The following LMBR1 variants were observed in gnomAD, a reference collection of about 807,000 sequenced individuals.
LMBR1 encodes limb region 1 protein homolog.
In LMBR1, 52 loss-of-function variants were observed where a neutral mutation model predicts 73.9. The observed-to-expected ratio is 0.70, with a 90% CI of 0.56 to 0.89. LMBR1 has a LOEUF of 0.89. Ranked by LOEUF, LMBR1 falls within the 40% of genes least tolerant of loss-of-function variation. LMBR1 has a pLI of 0.00. For missense variants in LMBR1, 539 were observed against 579.8 expected (o/e 0.93, Z 0.72); for synonymous variants, 215 against 209.4 (o/e 1.03, Z -0.23).
intron 5 of LMBR1, among the ~76,000 whole-genome samples, chr7:156,771,427 T>G (rs978111638): frequency 1.3e-5 from 2 of 152,000 alleles, no homozygotes; most frequent in African/African-American, 4.8e-5. Context: ...CAAAAAACCA[T>G]CAGGGACTAT....
chr7:156,821,325 C>T (rs569473078), intron 4 of LMBR1, among the ~76,000 whole-genome samples: 64 of 152,292 alleles, frequency 4.2e-4, no homozygotes, highest in Admixed American at 9.8e-4. Flanking sequence ...AATCAGCTGA[C>T]GGAGGAAGAC....
At chr7:156,736,910 A>C (rs998160434) in intron 9 of LMBR1, among the ~76,000 whole-genome samples, 1 of 152,056 alleles carries the variant, frequency 6.6e-6, no homozygotes, top group African/African-American at 2.4e-5. Flanking sequence ...TGGTTTTTCT[A>C]TTCCTCAGTT....
At chr7:156,856,138 T>C (rs1010752483) in intron 1 of LMBR1, among the ~76,000 whole-genome samples, 1 of 151,850 alleles carries the variant, frequency 6.6e-6, no homozygotes, top group Non-Finnish European at 1.5e-5. Flanking sequence ...GAGCTTGCAG[T>C]GAGCCGAGAT....
chr7:156,729,493 A>G (rs1344345593), intron 10 of LMBR1, among the ~76,000 whole-genome samples: 2 of 104,162 alleles, frequency 1.9e-5, no homozygotes, highest in South Asian at 5.9e-4. Flanking sequence ...TTTTTTTTTG[A>G]GATGGAGTCT....
chr7:156,851,008 C>G (rs1488594301), intron 1 of LMBR1, among the ~76,000 whole-genome samples: 2 of 152,098 alleles, frequency 1.3e-5, no homozygotes, highest in African/African-American at 4.8e-5. Context: ...TTTATCCATT[C>G]CCTCTTGCTC....
chr7:156,716,546 G>T (rs748162830), intron 15 of LMBR1, among the ~76,000 whole-genome samples: 2 of 152,180 alleles, frequency 1.3e-5, no homozygotes, highest in Admixed American at 6.5e-5. Context: ...GATGGTAACT[G>T]GCTGCGATCT....
intron 5 of LMBR1, among the ~76,000 whole-genome samples, chr7:156,782,390 C>T (rs1055338668): frequency 6.6e-6 from 1 of 152,132 alleles, no homozygotes; most frequent in Admixed American, 6.5e-5. Context: ...AACAAATCGT[C>T]ATATTGTTTT....
rs1238047780 is a variant in LMBR1 at position 156,733,597 on chromosome 7, T to C, written c.838+580A>G. Among the ~76,000 whole-genome samples, 3 of 151,330 alleles carry C rather than the reference T, an allele frequency of 2.0e-5. No individual in the cohort carries two copies. The East Asian group carries it at 5.8e-4, about 29-fold the overall frequency. On this transcript the variant is annotated intron_variant, in intron 10 of 16. Coordinates refer to ENST00000353442, the MANE Select transcript of LMBR1 (RefSeq NM_022458.4). Reference sequence around the variant, plus strand: ...GTGAAGACACAGCTATAGACGCTAATCAAAATGAAATACAGCAAGAAAAAA... The same window carrying C: ...GTGAAGACACAGCTATAGACGCTAACCAAAATGAAATACAGCAAGAAAAAA...
rs1484127022 is a variant in LMBR1 at position 156,669,087 on chromosome 7, T to C, written n.1067A>G. ...TAGACTCAACTGCATGAAAAGTCTA[T>C]GCGAACTGCTTTCATGGACTGGCAC... On this transcript the variant is annotated non_coding_transcript_exon_variant, in exon 5 of 5. Transcript: ENST00000430825. The surrounding 1 kb of genome is among the most constrained non-coding windows in gnomAD (Gnocchi z 4.2). 2.0e-5 allele frequency: 3 copies of C among 152,218 alleles called. No homozygotes were observed. Among genetic ancestry groups the C allele is most frequent in the Non-Finnish European group, 4.4e-5 (3 of 68,032 alleles). The allele number at this position is 152,218 out of a possible 1,614,324, so 9.4% of individuals were successfully genotyped here.
chr7:156,734,696 A>C (rs930940974), intron 9 of LMBR1, among the ~76,000 whole-genome samples: 1 of 152,234 alleles, frequency 6.6e-6, no homozygotes, highest in Non-Finnish European at 1.5e-5. Flanking sequence ...TTAACGTGGT[A>C]AAGTTCTAAT....
chr7:156,688,534 C>T (rs758067616), intron 15 of LMBR1, among the ~76,000 whole-genome samples: 41 of 151,940 alleles, frequency 2.7e-4, no homozygotes, highest in Admixed American at 2.6e-4. Context: ...CATGCTCTAC[C>T]GAGACAGGAC....
intron 3 of LMBR1, among the ~76,000 whole-genome samples, chr7:156,829,829 T>G (rs1025979780): frequency 6.6e-6 from 1 of 152,200 alleles, no homozygotes; most frequent in Admixed American, 6.5e-5. Context: ...TGTGCCGATC[T>G]CTACCTCTGC....
At chr7:156,751,710 T>C (rs373247218) in intron 9 of LMBR1, among the ~76,000 whole-genome samples, 22 of 152,234 alleles carry the variant, frequency 1.4e-4, no homozygotes, top group Middle Eastern at 3.4e-3. Flanking sequence ...AAGGAATCCA[T>C]ATGGGAATTA....
downstream of LMBR1, among the ~76,000 whole-genome samples, chr7:156,675,134 C>CCCGAAGAGGCAGCGGA (rs1563102563): frequency 2.6e-5 from 4 of 152,028 alleles, no homozygotes; most frequent in Non-Finnish European, 5.9e-5. Context: ...GAGGCAGCGG[C>CCCGAAGAGGCAGCGGA]GACCCGAAGG....
At chr7:156,890,000 T>C (rs919136959) in intron 1 of LMBR1, among the ~76,000 whole-genome samples, 1 of 152,098 alleles carries the variant, frequency 6.6e-6, no homozygotes, top group African/African-American at 2.4e-5. Flanking sequence ...GGAGAACCTG[T>C]CTCAAATTTT....
chr7:156,705,745 T>C (rs559842214), intron 15 of LMBR1, among the ~76,000 whole-genome samples: 2 of 152,108 alleles, frequency 1.3e-5, no homozygotes, highest in Admixed American at 6.5e-5. Context: ...TTCACCGTCA[T>C]GAAAACACAT....
chr7:156,846,889 T>C (rs1795559330), intron 1 of LMBR1, among the ~76,000 whole-genome samples: 1 of 152,164 alleles, frequency 6.6e-6, no homozygotes, highest in African/African-American at 2.4e-5. Flanking sequence ...ACATGCTAAC[T>C]GCCCCTTTTT....
At chr7:156,725,700 C>T in intron 13 of LMBR1, 64 bp downstream of exon 13, 1 of 1,443,810 alleles carries the variant, frequency 6.9e-7, no homozygotes, top group Non-Finnish European at 9.7e-7. Context: ...TAAATAACTA[C>T]TGCCCCAGAA....
intron 3 of LMBR1, among the ~76,000 whole-genome samples, chr7:156,832,333 C>T (rs1291427805): frequency 6.6e-6 from 1 of 152,134 alleles, no homozygotes; most frequent in African/African-American, 2.4e-5. Flanking sequence ...ATTCACATTA[C>T]ATAAAATTTA....
Sources: gnomAD v4.1 joint callset for allele counts (sites outside exome capture counted in the v4.1 genomes callset) on GRCh38, gnomAD v4.1.1 for gene constraint, Gnocchi (gnomAD v3.1) non-coding constraint, MANE v1.5 for transcripts, NCBI Gene and HGNC (gene_info 2026-07-23, HGNC 2026-07-21) for gene names.